The following FSTL4 variants were observed in gnomAD, a reference collection of about 807,000 sequenced individuals.
FSTL4 encodes the protein follistatin-related protein 4.
A neutral mutation model predicts 78.2 loss-of-function variants in FSTL4; 28 were observed. That is an observed-to-expected ratio of 0.36 (90% CI 0.27 to 0.49). The LOEUF is 0.49. FSTL4 is among the 20% of genes least tolerant of loss of function. The pLI is 0.98. For missense variants in FSTL4, 922 were observed against 1,084.9 expected, an observed-to-expected ratio of 0.85 and a Z score of 2.11; for synonymous variants, 422 against 440.5, an observed-to-expected ratio of 0.96 and a Z score of 0.53.
chr5:133,438,458 T>C (rs746755341), intron 3 of FSTL4, among the ~76,000 whole-genome samples: 4 of 152,236 alleles, frequency 2.6e-5, no homozygotes, highest in Non-Finnish European at 2.9e-5. Context: ...GTAGGAATTA[T>C]ATTAGGGGTT....
the FSTL4 span, among the ~76,000 whole-genome samples, chr5:133,717,769 T>C: frequency 2.0e-5 from 3 of 152,372 alleles, no homozygotes; most frequent in South Asian, 6.2e-4. Flanking sequence ...TTCCTTTTTA[T>C]TGCTGAGTAG....
At chr5:133,469,514 T>C (rs965256233) in intron 3 of FSTL4, among the ~76,000 whole-genome samples, 1 of 152,218 alleles carries the variant, frequency 6.6e-6, no homozygotes, top group Non-Finnish European at 1.5e-5. Context: ...GTGTTGGACC[T>C]GGCAGAGGGG....
intron 2 of FSTL4, among the ~76,000 whole-genome samples, chr5:133,596,350 G>A (rs879418242): frequency 4.6e-5 from 7 of 152,208 alleles, no homozygotes; most frequent in Admixed American, 3.3e-4. Flanking sequence ...GTGGGGAGGC[G>A]CTTCTGTCAG....
the FSTL4 span, among the ~76,000 whole-genome samples, chr5:133,699,823 G>C: frequency 6.2e-5 from 9 of 144,908 alleles, no homozygotes; most frequent in African/African-American, 2.3e-4. Flanking sequence ...GGAGCTTCCA[G>C]TGAGCCGAGA....
chr5:133,667,723 T>TC, the FSTL4 span, among the ~76,000 whole-genome samples: 1 of 152,256 alleles, frequency 6.6e-6, no homozygotes, highest in Non-Finnish European at 1.5e-5. Flanking sequence ...TAGCCTGCCC[T>TC]CCCATCCCTG....
intron 6 of FSTL4, among the ~76,000 whole-genome samples, chr5:133,283,564 G>A (rs1436083353): frequency 6.6e-6 from 1 of 152,142 alleles, no homozygotes; most frequent in African/African-American, 2.4e-5. Context: ...TACAGACCTG[G>A]GGCAGCAGAT....
At chr5:133,625,872 CAT>C in the FSTL4 span, among the ~76,000 whole-genome samples, 126 of 298 alleles carry the variant, frequency 0.42, 24 homozygotes, top group East Asian at 0.75. Context: ...ATATATATTC[CAT>C]ATATATATAT....
chr5:133,801,942 A>G, the FSTL4 span, among the ~76,000 whole-genome samples: 4 of 152,126 alleles, frequency 2.6e-5, no homozygotes, highest in Admixed American at 2.0e-4. Context: ...TACTCCTTTC[A>G]TCTCATCAAG....
At chr5:133,204,320 T>C (rs1011206525) in intron 14 of FSTL4, among the ~76,000 whole-genome samples, 1 of 152,224 alleles carries the variant, frequency 6.6e-6, no homozygotes, top group East Asian at 1.9e-4. Context: ...AACACGTTCA[T>C]GTAGTCTTCC....
At chr5:133,836,400 C>A in the FSTL4 span, among the ~76,000 whole-genome samples, 2 of 152,138 alleles carry the variant, frequency 1.3e-5, no homozygotes, top group African/African-American at 4.8e-5. Context: ...GTATTTTGTA[C>A]TACTTCTTGG....
At chr5:133,796,246 G>C in the FSTL4 span, among the ~76,000 whole-genome samples, 2 of 152,234 alleles carry the variant, frequency 1.3e-5, no homozygotes, top group Non-Finnish European at 2.9e-5. Context: ...CCTTATGGGA[G>C]GGGGAGCACA....
the FSTL4 span, among the ~76,000 whole-genome samples, chr5:133,660,659 A>G: frequency 6.6e-6 from 1 of 152,170 alleles, no homozygotes; most frequent in African/African-American, 2.4e-5. Context: ...AGCCTGTGCC[A>G]CTGGGTGACT....
chr5:133,325,626 A>G (rs887973695), intron 4 of FSTL4, among the ~76,000 whole-genome samples: 2 of 152,120 alleles, frequency 1.3e-5, no homozygotes, highest in African/African-American at 4.8e-5. Context: ...TCTGCTCTGA[A>G]TGCCAACAAA....
intron 2 of FSTL4, among the ~76,000 whole-genome samples, chr5:133,594,439 C>T (rs1001732705): frequency 8.5e-5 from 13 of 152,332 alleles, no homozygotes; most frequent in African/African-American, 2.6e-4. Context: ...GTGATCTGAC[C>T]GCCTTGGCCT....
At chr5:133,441,544 C>T (rs1313854763) in intron 3 of FSTL4, among the ~76,000 whole-genome samples, 2 of 152,188 alleles carry the variant, frequency 1.3e-5, no homozygotes, top group Non-Finnish European at 2.9e-5. Flanking sequence ...TCCACCAGCA[C>T]GGAGCACAGG....
chr5:133,276,974 T>C (rs914611664), intron 6 of FSTL4, among the ~76,000 whole-genome samples: 11 of 152,138 alleles, frequency 7.2e-5, no homozygotes, highest in Non-Finnish European at 1.3e-4. Context: ...AGTCCGTTGA[T>C]ACAAAGTTCA....
chr5:133,815,812 C>T, the FSTL4 span, among the ~76,000 whole-genome samples: 1 of 152,118 alleles, frequency 6.6e-6, no homozygotes, highest in Non-Finnish European at 1.5e-5. Flanking sequence ...ACAGCAATAC[C>T]CTAAAAGCTC....
chr5:133,696,280 C>A, the FSTL4 span, among the ~76,000 whole-genome samples: 1 of 152,246 alleles, frequency 6.6e-6, no homozygotes, highest in Non-Finnish European at 1.5e-5. Context: ...TATCTTTGGT[C>A]TTCAGCTGTC....
chr5:133,315,304 C>T (rs1446994395), intron 5 of FSTL4, among the ~76,000 whole-genome samples: 1 of 152,230 alleles, frequency 6.6e-6, no homozygotes, highest in Non-Finnish European at 1.5e-5. Flanking sequence ...TCCACTAGCT[C>T]ATACATGCTG....
Sources: allele counts gnomAD v4.1 joint callset (sites outside exome capture counted in the v4.1 genomes callset), GRCh38; gene constraint gnomAD v4.1.1; transcripts MANE v1.5; gene names NCBI Gene and HGNC (gene_info 2026-07-23, HGNC 2026-07-21).